PLEKHD1: variants seen among roughly 807,000 people sequenced by gnomAD.
PLEKHD1 encodes the protein pleckstrin homology and coiled-coil domain containing D1, also known as pleckstrin homology domain-containing family D member 1.
A neutral mutation model predicts 69.2 loss-of-function variants in PLEKHD1; 51 were observed. The ratio of observed to expected loss-of-function variants is 0.74; its 90% CI spans 0.59 to 0.93. PLEKHD1 has a LOEUF of 0.93. Ranked by LOEUF, PLEKHD1 falls within the 40% of genes least tolerant of loss-of-function variation. The pLI is 0.00. For missense variants in PLEKHD1, 584 were observed against 641.0 expected (o/e 0.91, Z 0.96); for synonymous variants, 236 against 244.7 (o/e 0.96, Z 0.33).
intron 7 of PLEKHD1, among the ~76,000 whole-genome samples, chr14:69,523,170 G>A (rs1009296419): frequency 4.6e-5 from 7 of 152,138 alleles, no homozygotes; most frequent in African/African-American, 1.4e-4. Context: ...TGTCCTCAAC[G>A]ATCCTCCCAC....
intron 1 of PLEKHD1, among the ~76,000 whole-genome samples, chr14:69,496,023 G>C (rs1012052260): frequency 1.3e-5 from 2 of 152,200 alleles, no homozygotes; most frequent in Admixed American, 1.3e-4. Flanking sequence ...GGCACACAGT[G>C]GCAACTCAGT....
chr14:69,473,331 C>T, the PLEKHD1 span, among the ~76,000 whole-genome samples: 1 of 151,768 alleles, frequency 6.6e-6, no homozygotes, highest in African/African-American at 2.4e-5. Context: ...GTGTCCCTAC[C>T]CCACCCTCCC....
In PLEKHD1 at chr14:69,502,823, G is replaced by C. The variant is rs1026696950; in HGVS notation, c.503-4G>C. 5.8e-6 allele frequency: 9 copies of C among 1,551,460 alleles called. No individual in the cohort carries two copies. Among genetic ancestry groups the C allele is most frequent in the Non-Finnish European group, 7.8e-6 (9 of 1,146,946 alleles). Reference sequence around the variant, plus strand: ...CATGTGTGTGTGTGTGCTTGTTTTGGCAGACAAACTGATGGAAGAGACCGA... The same window carrying C: ...CATGTGTGTGTGTGTGCTTGTTTTGCCAGACAAACTGATGGAAGAGACCGA... On this transcript the variant is annotated splice_region_variant and splice_polypyrimidine_tract_variant and intron_variant, in intron 5 of 12. Coordinates refer to ENST00000322564, the MANE Select transcript of PLEKHD1 (RefSeq NM_001161498.2).
chr14:69,502,674 G>T, intron 5 of PLEKHD1, 153 bp from the exon 6 acceptor site: 1 of 852,058 alleles, frequency 1.2e-6, no homozygotes, highest in Non-Finnish European at 1.8e-6. Flanking sequence ...CCATCACCAG[G>T]AGCTGGCCCA....
intron 1 of PLEKHD1, among the ~76,000 whole-genome samples, chr14:69,489,112 T>C (rs904309497): frequency 2.0e-5 from 3 of 152,248 alleles, no homozygotes; most frequent in Non-Finnish European, 4.4e-5. Flanking sequence ...ACCCACTCCC[T>C]GAGGAGCTGC....
At chr14:69,482,471 G>A (rs1882560058), upstream of PLEKHD1, among the ~76,000 whole-genome samples, 1 of 152,198 alleles carries the variant, frequency 6.6e-6, no homozygotes, top group Non-Finnish European at 1.5e-5. Context: ...TATCTAAGAA[G>A]TGCTGCAGAA....
rs1882618476 is a variant in PLEKHD1, at chr14:69,484,888, G to A, written c.-78G>A. The A allele has an allele frequency of 1.5e-5, 22 of 1,494,992 alleles. No individual in the cohort carries two copies. The highest frequency in any genetic ancestry group is 1.9e-5 in the Non-Finnish European group (21 of 1,110,826). 92.6% of individuals were successfully genotyped at this position (1,494,992 alleles called of 1,614,324 possible). On this transcript the variant is annotated 5_prime_UTR_variant, in exon 1 of 13. Coordinates refer to ENST00000322564, the MANE Select transcript of PLEKHD1 (RefSeq NM_001161498.2). Reference sequence around the variant, plus strand: ...CGCTGGGACGCTCTCCGACGGCTCCGCCCTCGCCTCTCGCCCCGAGTCCCT... The same window carrying A: ...CGCTGGGACGCTCTCCGACGGCTCCACCCTCGCCTCTCGCCCCGAGTCCCT...
At chr14:69,484,704 C>G, upstream of PLEKHD1, 1 of 401,154 alleles carries the variant, frequency 2.5e-6, no homozygotes, top group Non-Finnish European at 4.5e-6. Context: ...TGCTGCCGGC[C>G]CGAGGCTGAG....
chr14:69,528,498 C>G lies in PLEKHD1; in HGVS notation c.*79C>G. On this transcript the variant is annotated 3_prime_UTR_variant, in exon 13 of 13. Coordinates refer to ENST00000322564, the MANE Select transcript of PLEKHD1 (RefSeq NM_001161498.2). ...AGGGGTGGCAGAGGGAGGCCTCACT[C>G]TACCAGCTCCTGGCCTCTCTGGTCT... 1.4e-6 allele frequency: 2 copies of G among 1,473,788 alleles called. No individual in the cohort carries two copies. The highest frequency in any genetic ancestry group is 2.5e-5 in the East Asian group (1 of 40,570). 91.3% of individuals were successfully genotyped at this position (1,473,788 alleles called of 1,614,324 possible). A position where few individuals can be genotyped will look rare whatever the true frequency, so the allele number is the denominator to read the frequency against.
At chr14:69,481,644 A>G (rs1882543259), upstream of PLEKHD1, among the ~76,000 whole-genome samples, 2 of 152,190 alleles carry the variant, frequency 1.3e-5, no homozygotes, top group African/African-American at 2.4e-5. Context: ...TAGCTATGTG[A>G]CTTACGTAGA....
rs1270761625 is a variant in PLEKHD1, at chr14:69,499,457, G to C, written c.150-658G>C. 1.4e-4 allele frequency among the ~76,000 whole-genome samples: 21 copies of C among 152,170 alleles called. 1 individual carries two copies. Among genetic ancestry groups the C allele is most frequent in the Admixed American group, 1.4e-3 (21 of 15,286 alleles). ...CATCATAGCTCCAAACATGAGTCCTGGGAGAGCCCCTGGGGCAGGTCCAAA... is the reference window on the plus strand; with the variant it reads ...CATCATAGCTCCAAACATGAGTCCTCGGAGAGCCCCTGGGGCAGGTCCAAA... On this transcript the variant is annotated intron_variant, in intron 1 of 12. Transcript: ENST00000322564.
In PLEKHD1 at chr14:69,531,177, C is replaced by CT. The variant is rs1566569098; in HGVS notation, c.*2765dup. ...TATTGTTACAATGGCAATCAAATTTCTTTTTTTAATCCTGCAAACTACTGG... is the reference window on the plus strand; with the variant it reads ...TATTGTTACAATGGCAATCAAATTTCTTTTTTTTAATCCTGCAAACTACTGG... On this transcript the variant is annotated 3_prime_UTR_variant, in exon 13 of 13. Transcript: ENST00000322564. 6.6e-6 allele frequency: 1 copy of CT among 151,424 alleles called. No individual in the cohort carries two copies. Among genetic ancestry groups the CT allele is most frequent in the Admixed American group, 6.6e-5 (1 of 15,190 alleles). 9.4% of individuals were successfully genotyped at this position (151,424 alleles called of 1,614,324 possible). A position where few individuals can be genotyped will look rare whatever the true frequency, so the allele number is the denominator to read the frequency against.
chr14:69,506,999 T>C (rs911589928), intron 6 of PLEKHD1, among the ~76,000 whole-genome samples: 1 of 149,520 alleles, frequency 6.7e-6, no homozygotes, highest in Admixed American at 6.7e-5. Flanking sequence ...GCCTCCTGGG[T>C]TCAAGGGATT....
At position 69,500,891 on chromosome 14, in the gene PLEKHD1, T is replaced by G. The variant is rs1225143866; in HGVS notation, c.354T>G (p.Ala118=). ...GGCAGGGGAACATCTTGCTTGCTGC[T>G]GAGTCGGAGTTTGAGCAGACCCAGT... ...QDFHGNILLA[A]ESEFEQTQWL... Residue 118 remains alanine, a synonymous_variant, in exon 4 of 13, where the codon GCT becomes GCG. Coordinates refer to ENST00000322564, the MANE Select transcript of PLEKHD1 (RefSeq NM_001161498.2). The G allele has an allele frequency of 1.9e-6, 3 of 1,551,562 alleles. No individual in the cohort carries two copies. The highest frequency in any genetic ancestry group is 2.7e-5 in the African/African-American group (2 of 73,070).
chr14:69,497,153 G>A (rs1882907683), intron 1 of PLEKHD1, among the ~76,000 whole-genome samples: 1 of 152,132 alleles, frequency 6.6e-6, no homozygotes, highest in Non-Finnish European at 1.5e-5. Flanking sequence ...GGGGTGATGA[G>A]CGCAATCTCA....
At chr14:69,493,935 G>A (rs556822014) in intron 1 of PLEKHD1, among the ~76,000 whole-genome samples, 12 of 152,260 alleles carry the variant, frequency 7.9e-5, no homozygotes, top group East Asian at 1.9e-4. Flanking sequence ...GGCTTCACAC[G>A]GGGGGCAGGG....
intron 4 of PLEKHD1, chr14:69,501,316 C>T: frequency 2.8e-6 from 1 of 362,542 alleles, no homozygotes; most frequent in South Asian, 3.5e-5. Flanking sequence ...CCTGCCAACC[C>T]AGTCCATTTT....
In PLEKHD1 at chr14:69,527,876, G is replaced by A. The variant is rs1418555849; in HGVS notation, c.1295G>A (p.Arg432His). The A allele has an allele frequency of 1.3e-6, 2 of 1,551,444 alleles. No homozygotes were observed. Among genetic ancestry groups the A allele is most frequent in the Non-Finnish European group, 1.7e-6 (2 of 1,147,000 alleles). ...NSVYIHKAAT[R>H]RIKSCRFHRR... Reference sequence around the variant, plus strand: ...GTGTACATCCATAAGGCAGCCACTCGCCGCATCAAGAGCTGCCGCTTCCAC... The same window carrying A: ...GTGTACATCCATAAGGCAGCCACTCACCGCATCAAGAGCTGCCGCTTCCAC... Residue 432 changes from arginine to histidine, a missense_variant, in exon 12 of 13, where the codon CGC becomes CAC. Physicochemically the swap from Arg to His is conservative, Grantham distance 29 (BLOSUM62 0). Coordinates refer to ENST00000322564, the MANE Select transcript of PLEKHD1 (RefSeq NM_001161498.2).
chr14:69,516,707 T>G (rs1883392012), intron 6 of PLEKHD1, among the ~76,000 whole-genome samples: 1 of 152,158 alleles, frequency 6.6e-6, no homozygotes, highest in Non-Finnish European at 1.5e-5. Flanking sequence ...TCTCCCTCTA[T>G]CACCCAGGCT....
Sources: gnomAD v4.1 joint callset for allele counts (sites outside exome capture counted in the v4.1 genomes callset) on GRCh38, gnomAD v4.1.1 for gene constraint, MANE v1.5 for transcripts, NCBI Gene and HGNC (gene_info 2026-07-23, HGNC 2026-07-21) for gene names.